SH3GL3: variants seen among roughly 807,000 people sequenced by gnomAD.
SH3GL3 encodes the protein endophilin-A3.
In SH3GL3, 33 loss-of-function variants were observed where a neutral mutation model predicts 47.7. The observed-to-expected ratio is 0.69, with a 90% CI of 0.52 to 0.92. SH3GL3 has a LOEUF of 0.92. Ranked by LOEUF, SH3GL3 falls within the 40% of genes least tolerant of loss-of-function variation. SH3GL3 has a pLI of 0.00. For synonymous variants in SH3GL3, 155 were observed against 148.8 expected (o/e 1.04, Z -0.30); for missense variants, 363 against 417.8 (o/e 0.87, Z 1.14).
At chr15:83,575,070 G>A (rs1567002299) in intron 5 of SH3GL3, among the ~76,000 whole-genome samples, 4 of 152,044 alleles carry the variant, frequency 2.6e-5, no homozygotes, top group Non-Finnish European at 5.9e-5. Context: ...TTTAATTTTT[G>A]TGGGTACGTA....
chr15:83,609,980 G>T (rs2060620804), intron 8 of SH3GL3, among the ~76,000 whole-genome samples: 2 of 152,210 alleles, frequency 1.3e-5, no homozygotes, highest in South Asian at 4.1e-4. Flanking sequence ...AGCCTGAGCT[G>T]CTCACTTTGA....
intron 8 of SH3GL3, among the ~76,000 whole-genome samples, chr15:83,595,850 A>G (rs980529542): frequency 2.0e-5 from 3 of 150,642 alleles, no homozygotes; most frequent in African/African-American, 5.0e-5. Flanking sequence ...ACTTCTCTCA[A>G]TCATTTTAGA....
intron 1 of SH3GL3, among the ~76,000 whole-genome samples, chr15:83,550,293 T>TAATAGAACACCAG (rs2044597411): frequency 6.6e-6 from 1 of 152,184 alleles, no homozygotes; most frequent in Non-Finnish European, 1.5e-5. Context: ...CTTGGAGATT[T>TAATAGAACACCAG]TCCTATTAGA....
downstream of SH3GL3, among the ~76,000 whole-genome samples, chr15:83,621,775 G>A (rs1291452135): frequency 6.6e-6 from 1 of 152,202 alleles, no homozygotes; most frequent in Non-Finnish European, 1.5e-5. Context: ...GGCAGAGTTT[G>A]AAATCAGATT....
At chr15:83,485,141 T>G (rs1486177360) in intron 1 of SH3GL3, among the ~76,000 whole-genome samples, 1 of 152,224 alleles carries the variant, frequency 6.6e-6, no homozygotes. Flanking sequence ...AGTGAATCTC[T>G]TTCCATTAAT....
intron 8 of SH3GL3, among the ~76,000 whole-genome samples, chr15:83,601,256 G>A (rs1360475832): frequency 6.6e-6 from 1 of 152,116 alleles, no homozygotes; most frequent in African/African-American, 2.4e-5. Flanking sequence ...GGTGAGAGTG[G>A]GCATCCTTGT....
intron 1 of SH3GL3, among the ~76,000 whole-genome samples, chr15:83,507,028 C>T (rs552725452): frequency 4.8e-4 from 72 of 150,444 alleles, no homozygotes; most frequent in South Asian, 2.7e-3. Flanking sequence ...TTTTTTGAGA[C>T]GGAGTCTTGC....
chr15:83,478,093 G>A (rs2041181346), intron 1 of SH3GL3, among the ~76,000 whole-genome samples: 1 of 152,090 alleles, frequency 6.6e-6, no homozygotes, highest in Non-Finnish European at 1.5e-5. Context: ...AACAGACAGT[G>A]AGGGCCAGTT....
At chr15:83,544,237 A>T (rs2044298890) in intron 1 of SH3GL3, among the ~76,000 whole-genome samples, 2 of 152,056 alleles carry the variant, frequency 1.3e-5, no homozygotes, top group South Asian at 4.1e-4. Flanking sequence ...AAGGAATTTT[A>T]AAATTTCCTT....
intron 1 of SH3GL3, among the ~76,000 whole-genome samples, chr15:83,488,598 C>T (rs1212956835): frequency 2.0e-5 from 3 of 152,184 alleles, no homozygotes; most frequent in Non-Finnish European, 2.9e-5. Context: ...GGAAAACTCT[C>T]CTATCCTGAA....
the SH3GL3 span, among the ~76,000 whole-genome samples, chr15:83,626,194 A>G: frequency 6.3e-3 from 960 of 152,108 alleles, 12 homozygotes; most frequent in African/African-American, 0.022. Flanking sequence ...GAGGTCCCAG[A>G]TTTTTCTTCT....
chr15:83,493,432 G>T (rs2041956377), intron 1 of SH3GL3, among the ~76,000 whole-genome samples: 1 of 152,142 alleles, frequency 6.6e-6, no homozygotes, highest in Non-Finnish European at 1.5e-5. Context: ...CTCCTCTGAG[G>T]CAAAATTAAA....
At chr15:83,537,713 A>G (rs975713323) in intron 1 of SH3GL3, among the ~76,000 whole-genome samples, 2 of 152,130 alleles carry the variant, frequency 1.3e-5, no homozygotes, top group East Asian at 1.9e-4. Context: ...CTCTGTATCA[A>G]CTTTTATCTT....
intron 2 of SH3GL3, among the ~76,000 whole-genome samples, chr15:83,560,752 T>C (rs1344055845): frequency 6.6e-6 from 1 of 152,162 alleles, no homozygotes; most frequent in Admixed American, 6.5e-5. Context: ...TAGATGGTAT[T>C]AGACCCACCT....
At chr15:83,579,872 A>G (rs1376630390) in intron 6 of SH3GL3, among the ~76,000 whole-genome samples, 3 of 152,194 alleles carry the variant, frequency 2.0e-5, no homozygotes, top group Non-Finnish European at 4.4e-5. Flanking sequence ...TGCCATAGCC[A>G]GGTGGTCTGA....
rs1015366562 is a variant in SH3GL3 at position 83,558,521 on chromosome 15, A to G, written c.46-732A>G. Among the ~76,000 whole-genome samples the G allele has an allele frequency of 2.0e-4, 31 of 151,318 alleles. 1 individual carries two copies. The highest frequency in any genetic ancestry group is 1.8e-3 in the Admixed American group (27 of 15,170). ...TGTGTGTATATGTGTGTGTGTGTCC[A>G]TGCTTGTAGTACTGGCCTTTAGCAA... On this transcript the variant is annotated intron_variant, in intron 1 of 8. Coordinates refer to ENST00000427482, the MANE Select transcript of SH3GL3 (RefSeq NM_003027.5).
At chr15:83,490,982 A>T (rs561629206) in intron 1 of SH3GL3, 3 of 1,598,682 alleles carry the variant, frequency 1.9e-6, no homozygotes, top group South Asian at 2.3e-5. Flanking sequence ...TCAGCACAGA[A>T]GCACTGAAAG....
intron 1 of SH3GL3, among the ~76,000 whole-genome samples, chr15:83,496,204 A>G (rs866939153): frequency 1.3e-5 from 2 of 151,812 alleles, no homozygotes; most frequent in Non-Finnish European, 2.9e-5. Context: ...TAAAAATACA[A>G]AAATTAGCCA....
At chr15:83,619,005 G>A (rs1596364370), downstream of SH3GL3, among the ~76,000 whole-genome samples, 1 of 152,168 alleles carries the variant, frequency 6.6e-6, no homozygotes, top group East Asian at 1.9e-4. Flanking sequence ...TTTTGGATAG[G>A]TTTTTCAGAA....
Sources: allele counts gnomAD v4.1 joint callset (sites outside exome capture counted in the v4.1 genomes callset), GRCh38; gene constraint gnomAD v4.1.1; transcripts MANE v1.5; gene names NCBI Gene and HGNC (gene_info 2026-07-23, HGNC 2026-07-21).